ARCN1: variants seen among roughly 807,000 people sequenced by gnomAD.
ARCN1 encodes archain 1 coat protein complex I subunit delta.
Under a neutral mutation model 60.4 loss-of-function variants are expected in ARCN1, and 5 were observed. That is an observed-to-expected ratio of 0.08 (90% confidence interval 0.04 to 0.17). ARCN1 has a LOEUF of 0.17. Among genes scored for constraint, ARCN1 ranks in the 10% least tolerant of loss-of-function variants. ARCN1 has a pLI of 1.00. For missense variants in ARCN1, 464 were observed against 626.5 expected, an observed-to-expected ratio of 0.74 and a Z score of 2.77; for synonymous variants, 224 against 220.0, an observed-to-expected ratio of 1.02 and a Z score of -0.16.
chr11:118,581,235 G>A lies in ARCN1; in HGVS notation c.4-11G>A, dbSNP rs1555074519. ...ATAATTAGTACTTACTTATGCATAT[G>A]TTCCTGGCAGGTGCTGTTGGCAGCA... On this transcript the variant is annotated splice_polypyrimidine_tract_variant and intron_variant, in intron 1 of 9. Transcript: ENST00000264028. 6.2e-7 allele frequency: 1 copy of A among 1,613,876 alleles called. No homozygotes were observed. Among genetic ancestry groups the A allele is most frequent in the Admixed American group, 1.7e-5 (1 of 60,020 alleles).
At chr11:118,586,858 A>G (rs934755331) in intron 5 of ARCN1, among the ~76,000 whole-genome samples, 66 of 151,748 alleles carry the variant, frequency 4.3e-4, no homozygotes, top group Admixed American at 9.2e-4. Context: ...TCTCCAAAAA[A>G]AAAAAAAAAA....
rs782677904 is a variant in ARCN1 at position 118,581,251 on chromosome 11, G to A, written c.9G>A (p.Leu3=). The stretch of plus-strand genomic sequence containing the variant: ...TATGCATATGTTCCTGGCAGGTGCT[G>A]TTGGCAGCAGCGGTCTGCACAAAAG... MV[L]LAAAVCTKAG... is the part of the protein sequence containing the mutation. Residue 3 remains leucine, a synonymous_variant, in exon 2 of 10, where the codon CTG becomes CTA. Coordinates refer to ENST00000264028, the MANE Select transcript of ARCN1 (RefSeq NM_001655.5). 27 of 1,614,014 alleles carry A rather than the reference G, an allele frequency of 1.7e-5. No homozygotes were observed. Among genetic ancestry groups the A allele is most frequent in the Admixed American group, 3.3e-5 (2 of 60,010 alleles).
intron 5 of ARCN1, among the ~76,000 whole-genome samples, chr11:118,588,500 T>C (rs1938824203): frequency 6.6e-6 from 1 of 152,218 alleles, no homozygotes; most frequent in Non-Finnish European, 1.5e-5. Context: ...AAAAATATTA[T>C]TAGGTCAACT....
At position 118,573,658 on chromosome 11, in the gene ARCN1, A is replaced by G. The variant is rs781991448; in HGVS notation, c.3+1108A>G. 2.6e-5 allele frequency: 18 copies of G among 702,722 alleles called. No individual in the cohort carries two copies. The South Asian group carries it at 2.7e-4, about 10-fold the overall frequency. 43.5% of individuals were successfully genotyped at this position (702,722 alleles called of 1,614,324 possible). On this transcript the variant is annotated intron_variant, in intron 1 of 9. Transcript: ENST00000264028. ...AAACATCGTCCAGTGTACCTGAGAG[A>G]TGGCAGAATGTAATTTGGTGGCAAT...
chr11:118,585,866 C>T (rs1331539795), intron 5 of ARCN1, among the ~76,000 whole-genome samples: 1 of 152,088 alleles, frequency 6.6e-6, no homozygotes, highest in Non-Finnish European at 1.5e-5. Context: ...TATTTGAAGC[C>T]AGTATGGAAT....
intron 9 of ARCN1, among the ~76,000 whole-genome samples, chr11:118,599,312 C>G (rs1939099715): frequency 6.6e-6 from 1 of 152,094 alleles, no homozygotes; most frequent in Non-Finnish European, 1.5e-5. Context: ...AGGCTGGTCT[C>G]AAACTCTTGA....
chr11:118,599,916 A>G (rs543551104), intron 9 of ARCN1, among the ~76,000 whole-genome samples: 193 of 152,192 alleles, frequency 1.3e-3, no homozygotes, highest in South Asian at 0.012. Flanking sequence ...CTCTCTCCCT[A>G]TCCTGTTAGT....
intron 9 of ARCN1, 33 bp downstream of exon 9, chr11:118,597,944 A>G (rs1321622077): frequency 6.2e-7 from 1 of 1,608,668 alleles, no homozygotes; most frequent in African/African-American, 1.3e-5. Flanking sequence ...ATATATAGGG[A>G]AAGTGGTAGG....
chr11:118,594,840 G>A (rs1421375887), intron 8 of ARCN1, among the ~76,000 whole-genome samples: 3 of 151,642 alleles, frequency 2.0e-5, no homozygotes, highest in African/African-American at 2.4e-5. Flanking sequence ...GTGAGCCACC[G>A]CACCTGGCTA....
Position 118,572,500 on chromosome 11 carries a change from A to C in ARCN1, c.-48A>C. 6.2e-7 allele frequency: 1 copy of C among 1,608,788 alleles called. No homozygotes were observed. Among genetic ancestry groups the C allele is most frequent in the South Asian group, 1.1e-5 (1 of 90,358 alleles). On this transcript the variant is annotated 5_prime_UTR_variant, in exon 1 of 10. Coordinates refer to ENST00000264028, the MANE Select transcript of ARCN1 (RefSeq NM_001655.5). The stretch of plus-strand genomic sequence containing the variant: ...CTCCCGTTCCCCAGACCCTACCCCT[A>C]TCCCCAGTGGAGCCGGAGTGCGGGC...
intron 5 of ARCN1, among the ~76,000 whole-genome samples, chr11:118,589,110 C>G (rs1938840328): frequency 6.6e-6 from 1 of 152,098 alleles, no homozygotes. Flanking sequence ...GAGAATATCC[C>G]TAATCTTATA....
At chr11:118,591,976 A>G (rs1481265845) in intron 6 of ARCN1, among the ~76,000 whole-genome samples, 4 of 151,230 alleles carry the variant, frequency 2.6e-5, no homozygotes, top group Non-Finnish European at 5.9e-5. Flanking sequence ...GTTGGAGTGC[A>G]ATGGTGTGAT....
chr11:118,583,843 G>A lies in ARCN1; in HGVS notation c.482G>A (p.Arg161His), dbSNP rs1166403837. 1.9e-6 allele frequency: 3 copies of A among 1,614,046 alleles called. No individual in the cohort carries two copies. The highest frequency in any genetic ancestry group is 2.2e-5 in the East Asian group (1 of 44,902). ...QEREAKAEMRRKAKELQQARR... is the reference protein window; with the variant it reads ...QEREAKAEMRHKAKELQQARR... ...CGTGAAGCTAAGGCTGAGATGCGTC[G>A]TAAAGCAAAGGAATTACAACAGGCC... The change falls in exon 4 of 10, where the codon CGT becomes CAT. Residue 161 changes from arginine to histidine, a missense_variant. Physicochemically the swap from Arg to His is conservative, Grantham distance 29. Transcript: ENST00000264028.
chr11:118,591,037 C>T (rs1237737819), intron 6 of ARCN1, among the ~76,000 whole-genome samples: 4 of 152,150 alleles, frequency 2.6e-5, no homozygotes, highest in Admixed American at 1.3e-4. Context: ...TGGCACAATG[C>T]GAAATTTACT....
At chr11:118,576,955 C>T (rs1295585466) in intron 1 of ARCN1, among the ~76,000 whole-genome samples, 2 of 152,044 alleles carry the variant, frequency 1.3e-5, no homozygotes, top group African/African-American at 4.8e-5. Context: ...GAGGCTCAGG[C>T]GGGCAGATCA....
At chr11:118,575,685 C>T (rs183481967) in intron 1 of ARCN1, among the ~76,000 whole-genome samples, 5 of 152,128 alleles carry the variant, frequency 3.3e-5, no homozygotes, top group Non-Finnish European at 5.9e-5. Flanking sequence ...TAAAATATTG[C>T]GGTGAATTAC....
intron 1 of ARCN1, among the ~76,000 whole-genome samples, chr11:118,579,758 A>G (rs1249950729): frequency 1.3e-5 from 2 of 152,066 alleles, no homozygotes; most frequent in African/African-American, 4.8e-5. Context: ...TTATATGTAT[A>G]TGTTTTAAAT....
At chr11:118,581,937 GACAC>G (rs34532442) in intron 2 of ARCN1, among the ~76,000 whole-genome samples, 72 of 140,802 alleles carry the variant, frequency 5.1e-4, no homozygotes, top group Middle Eastern at 3.5e-3. Context: ...CAGACAGACA[GACAC>G]ACACACACAC....
intron 1 of ARCN1, among the ~76,000 whole-genome samples, chr11:118,578,395 A>G (rs972005654): frequency 2.0e-5 from 3 of 152,108 alleles, no homozygotes; most frequent in Admixed American, 6.6e-5. Flanking sequence ...TGGGGTTTCT[A>G]TTAAATGCAG....
Sources: allele counts gnomAD v4.1 joint callset (sites outside exome capture counted in the v4.1 genomes callset), GRCh38; gene constraint gnomAD v4.1.1; transcripts MANE v1.5; gene names NCBI Gene and HGNC (gene_info 2026-07-23, HGNC 2026-07-21).